Variants in CATSPERE observed in about 807,000 individuals in gnomAD.
CATSPERE encodes the protein catsper channel auxiliary subunit epsilon.
CATSPERE carries 93 observed loss-of-function variants against 114.1 expected under a neutral mutation model. The observed-to-expected ratio is 0.81, with a 90% confidence interval of 0.69 to 0.97. The LOEUF (loss-of-function observed/expected upper bound fraction) is 0.97. Among genes scored for constraint, CATSPERE ranks in the 50% least tolerant of loss-of-function variants. The pLI is 0.00. For synonymous variants in CATSPERE, 341 were observed against 384.1 expected, an observed-to-expected ratio of 0.89 and a Z score of 1.31; for missense variants, 1,058 against 1,131.6, an observed-to-expected ratio of 0.93 and a Z score of 0.93.
At chr1:244,490,560 T>G in intron 6 of CATSPERE, 89 bp downstream of exon 6, 1 of 850,644 alleles carries the variant, frequency 1.2e-6, no homozygotes, top group Non-Finnish European at 1.9e-6. Flanking sequence ...GATGAGGAAT[T>G]TTTCAAATGA....
chr1:244,525,418 A>G lies in CATSPERE; in HGVS notation c.536+6720A>G, dbSNP rs573566388. 2.0e-5 allele frequency among the ~76,000 whole-genome samples: 3 copies of G among 152,148 alleles called. No individual in the cohort carries two copies. In the South Asian group the frequency reaches 6.2e-4, roughly 32 times the overall value. On this transcript the variant is annotated intron_variant, in intron 8 of 21. Coordinates refer to ENST00000366534, the MANE Select transcript of CATSPERE (RefSeq NM_001130957.2). Reference sequence around the variant, plus strand: ...GATGAGTTAGTGGGTACAGCACACCAGCATGGCACATGTATACATATGTAA... The same window carrying G: ...GATGAGTTAGTGGGTACAGCACACCGGCATGGCACATGTATACATATGTAA...
At chr1:244,617,746 T>C in intron 20 of CATSPERE, 60 bp downstream of exon 20, 1 of 1,338,358 alleles carries the variant, frequency 7.5e-7, no homozygotes. Context: ...TTTATTTTTT[T>C]AATTTGATGC....
chr1:244,523,330 C>T (rs1289467028), intron 8 of CATSPERE, among the ~76,000 whole-genome samples: 2 of 144,954 alleles, frequency 1.4e-5, no homozygotes, highest in African/African-American at 2.8e-5. Context: ...ATTGATGGGA[C>T]GTATCTCAAA....
chr1:244,623,058 T>TTATATTTATTTATTTATTTA (rs1672600974), intron 20 of CATSPERE, among the ~76,000 whole-genome samples: 1 of 145,508 alleles, frequency 6.9e-6, no homozygotes, highest in Non-Finnish European at 1.5e-5. Flanking sequence ...TTTGTCTTAT[T>TTATATTTATTTATTTATTTA]TTTATTTATT....
intron 10 of CATSPERE, 132 bp downstream of exon 10, chr1:244,561,277 C>T (rs1263161593): frequency 1.5e-6 from 1 of 660,758 alleles, no homozygotes; most frequent in Non-Finnish European, 2.6e-6. Context: ...TTATCACCTA[C>T]AAATGAATTG....
chr1:244,511,802 A>G (rs1005938522), intron 7 of CATSPERE, among the ~76,000 whole-genome samples: 3 of 152,142 alleles, frequency 2.0e-5, no homozygotes, highest in African/African-American at 4.8e-5. Context: ...TTATTTTTGA[A>G]GGATAGCTTT....
chr1:244,587,321 G>T (rs914354385), intron 13 of CATSPERE, among the ~76,000 whole-genome samples: 2 of 152,214 alleles, frequency 1.3e-5, no homozygotes, highest in Non-Finnish European at 2.9e-5. Context: ...TACATTTGGG[G>T]ATAGATGCAA....
intron 20 of CATSPERE, among the ~76,000 whole-genome samples, chr1:244,626,858 C>T (rs1030356271): frequency 2.0e-5 from 3 of 152,164 alleles, no homozygotes; most frequent in Admixed American, 6.5e-5. Flanking sequence ...TCTCTATATC[C>T]GTAATAAGGC....
At chr1:244,520,818 A>G (rs561083449) in intron 8 of CATSPERE, among the ~76,000 whole-genome samples, 1 of 152,350 alleles carries the variant, frequency 6.6e-6, no homozygotes, top group African/African-American at 2.4e-5. Flanking sequence ...TAAATCGTCA[A>G]AATTGACCCA....
At chr1:244,514,828 CAAAA>C (rs371207477) in intron 7 of CATSPERE, among the ~76,000 whole-genome samples, 1 of 42,422 alleles carries the variant, frequency 2.4e-5, no homozygotes, top group Non-Finnish European at 4.8e-5. Context: ...GACTCCATCT[CAAAA>C]AAAAAAAAAA....
At chr1:244,588,915 TTTCCATCAGAGAACTGCTTA>T (rs1265058912) in intron 14 of CATSPERE, among the ~76,000 whole-genome samples, 1 of 152,182 alleles carries the variant, frequency 6.6e-6, no homozygotes. Flanking sequence ...TATAATTTCA[TTTCCATCAGAGAACTGCTTA>T]CACCCATATC....
rs780975011 is a variant in CATSPERE at position 244,572,606 on chromosome 1, T to C, written c.1784T>C (p.Val595Ala). The change falls in exon 11 of 22, where the codon GTT becomes GCT. Residue 595 changes from valine to alanine, a missense_variant. Val to Ala is a moderately conservative substitution (Grantham distance 64, BLOSUM62 0). Transcript: ENST00000366534. ...GCATTTCATAACAATGTTGCTCATG[T>C]TTTTTACTTTTTGGACAAGGGAGAG... ...YMAFHNNVAH[V>A]FYFLDKGEAL... The C allele has an allele frequency of 1.8e-5, 29 of 1,613,982 alleles. No homozygotes were observed. The highest frequency in any genetic ancestry group is 2.5e-5 in the Non-Finnish European group (29 of 1,180,004).
At chr1:244,523,380 A>T (rs1677946000) in intron 8 of CATSPERE, among the ~76,000 whole-genome samples, 1 of 143,272 alleles carries the variant, frequency 7.0e-6, no homozygotes, top group African/African-American at 2.9e-5. Flanking sequence ...AGCCAATATC[A>T]TACTGAATGG....
chr1:244,461,314 C>A lies in CATSPERE; in HGVS notation c.-116C>A. 5 of 902,522 alleles carry A rather than the reference C, an allele frequency of 5.5e-6. No homozygotes were observed. The highest frequency in any genetic ancestry group is 7.4e-6 in the Non-Finnish European group (5 of 676,116). 55.9% of individuals were successfully genotyped at this position (902,522 alleles called of 1,614,324 possible). On this transcript the variant is annotated 5_prime_UTR_variant, in exon 1 of 22. Transcript: ENST00000366534. ...GGTCTTCAGGCCCGGCCCGCCCTGT[C>A]CAGAGGCGCCGGGACCCAGGCGCCT...
At chr1:244,464,236 C>T (rs1326807229) in intron 2 of CATSPERE, among the ~76,000 whole-genome samples, 1 of 152,138 alleles carries the variant, frequency 6.6e-6, no homozygotes, top group African/African-American at 2.4e-5. Context: ...TTGCCTAAAC[C>T]CATGAGAATG....
At chr1:244,513,892 G>C (rs951458139) in intron 7 of CATSPERE, among the ~76,000 whole-genome samples, 1 of 152,134 alleles carries the variant, frequency 6.6e-6, no homozygotes, top group Middle Eastern at 3.2e-3. Context: ...TGTAGTGGGT[G>C]GAGCAAATTG....
chr1:244,567,562 C>G (rs932438772), intron 10 of CATSPERE, among the ~76,000 whole-genome samples: 2 of 151,842 alleles, frequency 1.3e-5, no homozygotes, highest in Non-Finnish European at 2.9e-5. Context: ...TCTTTTTTCT[C>G]TAATCTTTTC....
chr1:244,537,474 C>A (rs1381887617), intron 8 of CATSPERE, among the ~76,000 whole-genome samples: 1 of 152,106 alleles, frequency 6.6e-6, no homozygotes, highest in African/African-American at 2.4e-5. Flanking sequence ...GTTATTAGGG[C>A]AATGCTGGCT....
chr1:244,620,831 C>T (rs1671998211), intron 20 of CATSPERE, among the ~76,000 whole-genome samples: 2 of 150,470 alleles, frequency 1.3e-5, no homozygotes, highest in Non-Finnish European at 2.9e-5. Context: ...CTAGGGTTAT[C>T]TGCATATCCC....
Sources: allele counts gnomAD v4.1 joint callset (sites outside exome capture counted in the v4.1 genomes callset), GRCh38; gene constraint gnomAD v4.1.1; transcripts MANE v1.5; gene names NCBI Gene and HGNC (gene_info 2026-07-23, HGNC 2026-07-21).